LGR5: variants seen among roughly 807,000 people sequenced by gnomAD.
LGR5 encodes the protein leucine rich repeat containing G protein-coupled receptor 5.
Under a neutral mutation model 76.7 loss-of-function variants are expected in LGR5, and 54 were observed. The observed-to-expected ratio is 0.70, with a 90% CI of 0.57 to 0.88. The LOEUF (loss-of-function observed/expected upper bound fraction) is 0.88, where lower values mean the gene tolerates loss of function less well. Ranked by LOEUF, LGR5 falls within the 40% of genes least tolerant of loss-of-function variation. LGR5 has a pLI of 0.00. For missense variants in LGR5, 1,078 were observed against 1,073.3 expected, an observed-to-expected ratio of 1.00 and a Z score of -0.06; for synonymous variants, 406 against 421.9, an observed-to-expected ratio of 0.96 and a Z score of 0.46.
intron 1 of LGR5, among the ~76,000 whole-genome samples, chr12:71,466,117 G>T (rs983121972): frequency 2.0e-5 from 3 of 152,330 alleles, no homozygotes; most frequent in Admixed American, 6.5e-5. Flanking sequence ...AGAAAGTCAT[G>T]AATTACACCA....
intron 1 of LGR5, among the ~76,000 whole-genome samples, chr12:71,463,175 T>C (rs1046638357): frequency 2.0e-5 from 3 of 152,130 alleles, no homozygotes; most frequent in African/African-American, 7.2e-5. Flanking sequence ...GAATCATTCA[T>C]GGGGATTTTT....
chr12:71,581,991 C>A (rs1035975370), intron 16 of LGR5, among the ~76,000 whole-genome samples: 1 of 152,204 alleles, frequency 6.6e-6, no homozygotes, highest in African/African-American at 2.4e-5. Context: ...TTTGTTTTGT[C>A]CTCTGTTACA....
At position 71,566,727 on chromosome 12, in the gene LGR5, T is replaced by C. The variant is rs763925049; in HGVS notation, c.998+27T>C. ...TAAGTACTGAGTAGACTCTTGACTTTGCCCAGAACATACACTGCCATTAGA... is the reference window on the plus strand; with the variant it reads ...TAAGTACTGAGTAGACTCTTGACTTCGCCCAGAACATACACTGCCATTAGA... On this transcript the variant is annotated intron_variant, in intron 10 of 17. Transcript: ENST00000266674. 3.8e-6 allele frequency: 6 copies of C among 1,598,352 alleles called. No homozygotes were observed. In the African/African-American group the frequency reaches 6.7e-5, roughly 18 times the overall value.
At chr12:71,451,280 G>C (rs773633410) in intron 1 of LGR5, among the ~76,000 whole-genome samples, 1 of 152,180 alleles carries the variant, frequency 6.6e-6, no homozygotes, top group Non-Finnish European at 1.5e-5. Context: ...CGATGCTTGG[G>C]ACAAGAGGAG....
rs542414299 is a variant in LGR5, at chr12:71,542,713, G to A, written c.428+7527G>A. 3.3e-4 allele frequency among the ~76,000 whole-genome samples: 51 copies of A among 152,278 alleles called. No individual in the cohort carries two copies. In the East Asian group the frequency reaches 9.4e-3, roughly 28 times the overall value. ...TGATTTATACAGCCATGTGCTTACT[G>A]AAGCCAGTCACTGGGCAAGACACAC... On this transcript the variant is annotated intron_variant, in intron 4 of 17. Transcript: ENST00000266674.
chr12:71,543,907 G>A lies in LGR5; in HGVS notation c.428+8721G>A, dbSNP rs143496059. Among the ~76,000 whole-genome samples the A allele has an allele frequency of 1.4e-4, 21 of 152,332 alleles. No individual in the cohort carries two copies. In the East Asian group the frequency reaches 2.1e-3, roughly 15 times the overall value. ...TTTTAAACCCTGGTGATACCTGGAA[G>A]ACTAATAGTGCCCCTGATAGAAAAA... On this transcript the variant is annotated intron_variant, in intron 4 of 17. Transcript: ENST00000266674.
intron 1 of LGR5, among the ~76,000 whole-genome samples, chr12:71,471,755 C>T (rs1873113764): frequency 6.6e-6 from 1 of 151,472 alleles, no homozygotes; most frequent in African/African-American, 2.4e-5. Flanking sequence ...CAGTTTCCTT[C>T]CTATAAAACA....
intron 1 of LGR5, among the ~76,000 whole-genome samples, chr12:71,466,823 C>T (rs954525142): frequency 6.6e-6 from 1 of 152,050 alleles, no homozygotes; most frequent in African/African-American, 2.4e-5. Context: ...ATAACGATGG[C>T]TCTTTTGGGA....
chr12:71,552,888 C>G (rs889163510), intron 4 of LGR5, among the ~76,000 whole-genome samples, 185 bp from the exon 5 acceptor site: 1 of 151,966 alleles, frequency 6.6e-6, no homozygotes, highest in African/African-American at 2.4e-5. Flanking sequence ...TAGGAAGCAA[C>G]AGTCTACACA....
chr12:71,541,522 AGGATAAACACGGTCTGTGATCAGTTGT>A (rs1876880911), intron 4 of LGR5, among the ~76,000 whole-genome samples: 1 of 152,236 alleles, frequency 6.6e-6, no homozygotes, highest in South Asian at 2.1e-4. Flanking sequence ...CTGCCTTTTC[AGGATAAACACGGTCTGTGATCAGTTGT>A]GAAAAGACAC....
chr12:71,532,043 A>G (rs973760489), intron 3 of LGR5, among the ~76,000 whole-genome samples: 47 of 152,210 alleles, frequency 3.1e-4, no homozygotes, highest in African/African-American at 1.1e-3. Flanking sequence ...TAAGAGTTCC[A>G]CTGTTTGGTT....
intron 1 of LGR5, among the ~76,000 whole-genome samples, chr12:71,484,273 A>G (rs1206059949): frequency 6.6e-6 from 1 of 152,212 alleles, no homozygotes; most frequent in Non-Finnish European, 1.5e-5. Flanking sequence ...TAATAATGGT[A>G]CAGTCCTTTA....
intron 2 of LGR5, among the ~76,000 whole-genome samples, chr12:71,522,320 C>T (rs1435965889): frequency 6.6e-5 from 10 of 151,970 alleles, no homozygotes; most frequent in Admixed American, 4.6e-4. Flanking sequence ...TATGGGGAGA[C>T]AAGATGGAAG....
intron 8 of LGR5, 116 bp downstream of exon 8, chr12:71,561,968 T>A (rs1454888650): frequency 1.6e-6 from 1 of 623,720 alleles, no homozygotes; most frequent in Non-Finnish European, 2.7e-6. Flanking sequence ...AATCTAAGAG[T>A]TCATACAGAA....
At chr12:71,569,617 C>A (rs1878510011) in intron 11 of LGR5, among the ~76,000 whole-genome samples, 1 of 152,242 alleles carries the variant, frequency 6.6e-6, no homozygotes, top group Non-Finnish European at 1.5e-5. Context: ...GATACCATCT[C>A]ACACCAGTCA....
intron 1 of LGR5, among the ~76,000 whole-genome samples, chr12:71,498,117 G>A (rs1450001639): frequency 6.6e-6 from 1 of 152,062 alleles, no homozygotes; most frequent in Non-Finnish European, 1.5e-5. Flanking sequence ...GGGGGTAGAA[G>A]GGCACCTTTC....
At chr12:71,531,980 G>A (rs374353340) in intron 3 of LGR5, among the ~76,000 whole-genome samples, 59 of 147,584 alleles carry the variant, frequency 4.0e-4, no homozygotes, top group African/African-American at 1.5e-3. Flanking sequence ...AAAGCTATCT[G>A]AAACTCTCAT....
rs765248051 is a variant in LGR5, at chr12:71,584,572, T to C, written c.2562T>C (p.Ser854=). 6.2e-7 allele frequency: 1 copy of C among 1,614,134 alleles called. No homozygotes were observed. Among genetic ancestry groups the C allele is most frequent in the Admixed American group, 1.7e-5 (1 of 60,020 alleles). Residue 854 remains serine, a synonymous_variant, in exon 18 of 18, where the codon TCT becomes TCC. Coordinates refer to ENST00000266674, the MANE Select transcript of LGR5 (RefSeq NM_003667.4). ...SKHPSLMSIN[S]DDVEKQSCDS... is the part of the protein sequence containing the mutation. ...ACCCAAGCTTGATGTCAATTAACTC[T>C]GATGATGTCGAAAAACAGTCCTGTG...
chr12:71,461,121 G>C (rs1457048827), intron 1 of LGR5, among the ~76,000 whole-genome samples: 1 of 152,126 alleles, frequency 6.6e-6, no homozygotes, highest in Non-Finnish European at 1.5e-5. Context: ...CCACAGTTTA[G>C]CCTTATCTAG....
Sources: gnomAD v4.1 joint callset for allele counts (sites outside exome capture counted in the v4.1 genomes callset) on GRCh38, gnomAD v4.1.1 for gene constraint, MANE v1.5 for transcripts, NCBI Gene and HGNC (gene_info 2026-07-23, HGNC 2026-07-21) for gene names.